NBPF19: variants seen among roughly 807,000 people sequenced by gnomAD.
The protein encoded by NBPF19 is NBPF member 19.
A neutral mutation model predicts 45.9 loss-of-function variants in NBPF19; 30 were observed. The ratio of observed to expected loss-of-function variants is 0.65; its 90% CI spans 0.49 to 0.89. The LOEUF (loss-of-function observed/expected upper bound fraction) is 0.89. Ranked by LOEUF, NBPF19 falls within the 40% of genes least tolerant of loss-of-function variation. The probability of loss-of-function intolerance (pLI) is 0.00; values close to 1 mark genes in which losing one functional copy is unlikely to be tolerated. For synonymous variants in NBPF19, 183 were observed against 181.2 expected (o/e 1.01, Z -0.08); for missense variants, 495 against 471.8 (o/e 1.05, Z -0.46).
At chr1:149,554,374 C>G (rs2087168583) in intron 93 of NBPF19, 121 bp from the exon 94 acceptor site, 1 of 1,578,894 alleles carries the variant, frequency 6.3e-7, no homozygotes, top group East Asian at 2.2e-5. Context: ...TTTTTTACCT[C>G]ATTAATGGAT....
intron 4 of NBPF19, among the ~76,000 whole-genome samples, chr1:149,479,887 G>A (rs1157141741): frequency 6.6e-6 from 1 of 150,916 alleles, no homozygotes; most frequent in East Asian, 1.9e-4. Flanking sequence ...GGCTGCACAA[G>A]CCTCCAGTGA....
intron 9 of NBPF19, among the ~76,000 whole-genome samples, 157 bp downstream of exon 9, chr1:149,487,540 G>A (rs55726444): frequency 2.6e-5 from 4 of 151,102 alleles, no homozygotes. Flanking sequence ...TAGAGTAAAT[G>A]TTTAGGTTTC....
intron 51 of NBPF19, 149 bp from the exon 52 acceptor site, chr1:149,521,170 C>A (rs1390839706): frequency 1.1e-5 from 4 of 356,426 alleles, no homozygotes; most frequent in Non-Finnish European, 2.0e-5. Flanking sequence ...TGTTCTATCC[C>A]AACATAAAGG....
At chr1:149,478,839 A>G in intron 3 of NBPF19, 41 bp from the exon 4 acceptor site, 3 of 1,518,230 alleles carry the variant, frequency 2.0e-6, no homozygotes, top group Non-Finnish European at 1.8e-6. Flanking sequence ...GGATCACTCA[A>G]CCCTTTCTAC....
chr1:149,491,167 GA>G lies in NBPF19; in HGVS notation c.1520del (p.Glu507GlyfsTer116). The G allele has an allele frequency of 3.5e-6, 1 of 283,464 alleles. No homozygotes were observed. Among genetic ancestry groups the G allele is most frequent in the East Asian group, 8.5e-5 (1 of 11,732 alleles). 17.6% of individuals were successfully genotyped at this position (283,464 alleles called of 1,614,324 possible). On this transcript the variant is annotated frameshift_variant, in exon 14 of 94. Transcript: ENST00000651566. LOFTEE classifies it high-confidence loss of function. ...RLSRELVEVV[E>X]PEVLQDSLDR... is the part of the protein sequence containing the mutation. The stretch of plus-strand genomic sequence containing the variant: ...CAGCAGGGAGCTGGTGGAGGTAGTA[GA>G]GCCTGAAGTCTTGCAGGACTCACTG...
rs1345264732 is a variant in NBPF19 at position 149,554,708 on chromosome 1, G to T, written c.11502G>T (p.Val3834=). The T allele has an allele frequency of 1.2e-5, 19 of 1,608,216 alleles. 1 individual carries two copies. Among genetic ancestry groups the T allele is most frequent in the South Asian group, 9.9e-5 (9 of 90,888 alleles). ...TGACGGTGACAAGTCTCCATCTGGT[G>T]TTCCAGATGTTAGTCATATTCCCAC... ...FTLTVTSLHL[V]FQMLVIFPQ The change falls in exon 94 of 94, where the codon GTG becomes GTT. Residue 3834 remains valine, a synonymous_variant. Transcript: ENST00000651566.
rs1571067927 is a variant in NBPF19, at chr1:149,554,749, C to G, written c.*11C>G. 1.2e-5 allele frequency: 19 copies of G among 1,607,804 alleles called. No homozygotes were observed. The highest frequency in any genetic ancestry group is 6.7e-5 in the Admixed American group (4 of 59,876). On this transcript the variant is annotated 3_prime_UTR_variant, in exon 94 of 94. Coordinates refer to ENST00000651566, the MANE Select transcript of NBPF19 (RefSeq NM_001351365.2). Reference sequence around the variant, plus strand: ...ATATTCCCACAATAGGCAGCCCTTACTAAGCCGAGAGATGTCATTCCTGCA... The same window carrying G: ...ATATTCCCACAATAGGCAGCCCTTAGTAAGCCGAGAGATGTCATTCCTGCA...
At chr1:149,478,161 G>A in intron 3 of NBPF19, 114 bp downstream of exon 3, 2 of 799,954 alleles carry the variant, frequency 2.5e-6, no homozygotes, top group Non-Finnish European at 2.2e-6. Flanking sequence ...GGCAGAAATT[G>A]CCATGACAGG....
At chr1:149,484,556 GA>G (rs1198180401) in intron 7 of NBPF19, among the ~76,000 whole-genome samples, 26 of 119,020 alleles carry the variant, frequency 2.2e-4, no homozygotes, top group East Asian at 1.0e-3. Context: ...TATACATATG[GA>G]AAAAAAAAAG....
chr1:149,554,146 A>T (rs1311620293), intron 93 of NBPF19, among the ~76,000 whole-genome samples: 3 of 141,738 alleles, frequency 2.1e-5, no homozygotes, highest in African/African-American at 7.7e-5. Context: ...TATTTTATGG[A>T]AAACTATTGA....
In NBPF19 at chr1:149,554,670, A is replaced by T. The variant is rs2087201724; in HGVS notation, c.11464A>T (p.Arg3822Trp). ...CAGCTTCGCCCTTTACTTGGACAAT[A>T]GGTTTTTTACTTTGACGGTGACAAG... Reference protein sequence around the residue: ...HISFALYLDNRFFTLTVTSLH... With the variant: ...HISFALYLDNWFFTLTVTSLH... Residue 3822 changes from arginine to tryptophan, a missense_variant, in exon 94 of 94, where the codon AGG becomes TGG. By Grantham distance (101) the Arg-to-Trp change is moderately radical. Transcript: ENST00000651566. The T allele has an allele frequency of 1.2e-6, 2 of 1,608,186 alleles. No individual in the cohort carries two copies. The highest frequency in any genetic ancestry group is 1.1e-5 in the South Asian group (1 of 90,896).
chr1:149,477,812 G>T, intron 2 of NBPF19, 133 bp from the exon 3 acceptor site: 1 of 859,448 alleles, frequency 1.2e-6, no homozygotes. Flanking sequence ...ATAAAGATGT[G>T]GAAATCCCTG....
chr1:149,478,956 G>C lies in NBPF19; in HGVS notation c.355G>C (p.Ala119Pro). Reference protein sequence around the residue: ...LREKLREGRDASRSLNEHLQA... With the variant: ...LREKLREGRDPSRSLNEHLQA... ...GGAGAAGTTACGGGAAGGGAGAGAT[G>C]CCTCCCGCTCATTGAATGAGCATCT... The change falls in exon 4 of 94, where the codon GCC becomes CCC. Residue 119 changes from alanine to proline, a missense_variant. By Grantham distance (27) the Ala-to-Pro change is conservative. This residue lies in a region of NBPF19 where 69 missense variants were observed against 87.8 expected (regional missense o/e 0.79). Transcript: ENST00000651566. 6.2e-7 allele frequency: 1 copy of C among 1,603,940 alleles called. No homozygotes were observed. Among genetic ancestry groups the C allele is most frequent in the Non-Finnish European group, 8.5e-7 (1 of 1,173,106 alleles).
At chr1:149,487,129 A>C (rs1360908171) in intron 8 of NBPF19, among the ~76,000 whole-genome samples, 1 of 150,100 alleles carries the variant, frequency 6.7e-6, no homozygotes, top group Admixed American at 6.6e-5. Flanking sequence ...ATTCCAACAC[A>C]GGGGAATTTT....
rs1279038644 is a variant in NBPF19 at position 149,483,644 on chromosome 1, G to C, written c.824+1418G>C. Among the ~76,000 whole-genome samples the C allele has an allele frequency of 2.3e-4, 34 of 148,174 alleles. 1 individual carries two copies. The highest frequency in any genetic ancestry group is 7.5e-4 in the African/African-American group (30 of 40,162). ...CTAGCGTCAATGGTCTTTACAGTTT[G>C]GCATGTTTTTGCAGTGGCTGGTACC... On this transcript the variant is annotated intron_variant, in intron 7 of 93. Transcript: ENST00000651566.
In NBPF19 at chr1:149,555,029, G is replaced by A; in HGVS notation, c.*291G>A. 2 of 498,610 alleles carry A rather than the reference G, an allele frequency of 4.0e-6. No individual in the cohort carries two copies. Among genetic ancestry groups the A allele is most frequent in the South Asian group, 2.2e-5 (1 of 44,698 alleles). 30.9% of individuals were successfully genotyped at this position (498,610 alleles called of 1,614,324 possible). A position where few individuals can be genotyped will look rare whatever the true frequency, so the allele number is the denominator to read the frequency against. On this transcript the variant is annotated 3_prime_UTR_variant, in exon 94 of 94. Coordinates refer to ENST00000651566, the MANE Select transcript of NBPF19 (RefSeq NM_001351365.2). ...CTTTGGGTAGCTACAAAATTCCTCA[G>A]GGATTTCATTTTGCAGGCATGTCTC...
In NBPF19 at chr1:149,554,532, G is replaced by A. The variant is rs1479932944; in HGVS notation, c.11326G>A (p.Val3776Ile). Residue 3776 changes from valine to isoleucine, a missense_variant, in exon 94 of 94, where the codon GTC becomes ATC. Around this residue, in one of 8 missense-constraint regions of NBPF19, gnomAD observed 248 missense variants for 95.4 expected, o/e 2.60. Transcript: ENST00000651566. Reference protein sequence around the residue: ...SVLMEVEEPEVLQDSLDGCYS... With the variant: ...SVLMEVEEPEILQDSLDGCYS... ...GCTGATGGAAGTGGAAGAGCCTGAA[G>A]TCTTACAGGACTCACTGGATGGATG... is the stretch of plus-strand genomic sequence containing the variant. 10 of 1,608,252 alleles carry A rather than the reference G, an allele frequency of 6.2e-6. No individual in the cohort carries two copies. Among genetic ancestry groups the A allele is most frequent in the African/African-American group, 2.7e-5 (2 of 74,768 alleles).
chr1:149,554,685 A>T lies in NBPF19; in HGVS notation c.11479A>T (p.Thr3827Ser). ...CTTGGACAATAGGTTTTTTACTTTGACGGTGACAAGTCTCCATCTGGTGTT... is the reference window on the plus strand; with the variant it reads ...CTTGGACAATAGGTTTTTTACTTTGTCGGTGACAAGTCTCCATCTGGTGTT... ...LYLDNRFFTL[T>S]VTSLHLVFQM... The change falls in exon 94 of 94, where the codon ACG (threonine) becomes TCG (serine). Residue 3827 changes from threonine to serine, a missense_variant. Coordinates refer to ENST00000651566, the MANE Select transcript of NBPF19 (RefSeq NM_001351365.2). 11 of 1,608,274 alleles carry T rather than the reference A, an allele frequency of 6.8e-6. No homozygotes were observed. The highest frequency in any genetic ancestry group is 3.3e-5 in the South Asian group (3 of 90,894).
At position 149,556,190 on chromosome 1, in the gene NBPF19, C is replaced by T. The variant is rs1233797146; in HGVS notation, c.*1452C>T. 2 of 147,540 alleles carry T rather than the reference C, an allele frequency of 1.4e-5. No homozygotes were observed. The highest frequency in any genetic ancestry group is 5.0e-5 in the African/African-American group (2 of 39,926). The allele number at this position is 147,540 out of a possible 1,614,324, so 9.1% of individuals were successfully genotyped here. The stretch of plus-strand genomic sequence containing the variant: ...TGTTGCAAAAAGAAGAAAACATTCT[C>T]TGCCTGAGTTTTAATTTTTGTCCAA... On this transcript the variant is annotated 3_prime_UTR_variant, in exon 94 of 94. Transcript: ENST00000651566.
Sources: gnomAD v4.1 joint callset for allele counts (sites outside exome capture counted in the v4.1 genomes callset) on GRCh38, gnomAD v4.1.1 for gene constraint, gnomAD v4.1.1 regional missense constraint, MANE v1.5 for transcripts, NCBI Gene and HGNC (gene_info 2026-07-23, HGNC 2026-07-21) for gene names.